Variants in ADGRB3 observed in about 807,000 individuals in gnomAD.
ADGRB3 encodes brain-specific angiogenesis inhibitor 3.
In ADGRB3, 37 loss-of-function variants were observed where a neutral mutation model predicts 193.4. The observed-to-expected ratio is 0.19, with a 90% CI of 0.15 to 0.25. The LOEUF is 0.25. ADGRB3 is among the 10% of genes least tolerant of loss of function. The pLI is 1.00. For missense variants in ADGRB3, 1,637 were observed against 1,852.9 expected, an observed-to-expected ratio of 0.88 and a Z score of 2.14; for synonymous variants, 690 against 644.2, an observed-to-expected ratio of 1.07 and a Z score of -1.08.
At chr6:68,890,736 T>A (rs1370103435) in intron 3 of ADGRB3, among the ~76,000 whole-genome samples, 3 of 152,114 alleles carry the variant, frequency 2.0e-5, no homozygotes, top group African/African-American at 7.2e-5. Flanking sequence ...TTTTTAAAAA[T>A]GCACTAAGAA....
chr6:69,119,152 T>C (rs1279135656), intron 17 of ADGRB3, among the ~76,000 whole-genome samples: 1 of 152,254 alleles, frequency 6.6e-6, no homozygotes, highest in East Asian at 1.9e-4. Flanking sequence ...CAGAAACTAT[T>C]GACAATTGTA....
chr6:68,703,759 A>G (rs1765280914), intron 3 of ADGRB3, among the ~76,000 whole-genome samples: 1 of 152,052 alleles, frequency 6.6e-6, no homozygotes, highest in African/African-American at 2.4e-5. Context: ...AGTAGCTGGG[A>G]TTACAGGCGC....
chr6:69,222,995 A>T (rs958114529), intron 17 of ADGRB3, among the ~76,000 whole-genome samples: 1 of 152,088 alleles, frequency 6.6e-6, no homozygotes, highest in Admixed American at 6.6e-5. Context: ...ATTTCATTTA[A>T]AAGTGCTTAC....
At chr6:68,856,226 C>G (rs192968442) in intron 3 of ADGRB3, among the ~76,000 whole-genome samples, 1 of 152,016 alleles carries the variant, frequency 6.6e-6, no homozygotes, top group Non-Finnish European at 1.5e-5. Flanking sequence ...AGTGTGAAAA[C>G]GGACTAATAC....
intron 3 of ADGRB3, among the ~76,000 whole-genome samples, chr6:68,693,028 C>G (rs981831179): frequency 6.6e-6 from 1 of 151,338 alleles, no homozygotes; most frequent in African/African-American, 2.4e-5. Flanking sequence ...CAATGAAATA[C>G]AAATTATATT....
chr6:68,692,237 A>G (rs902257998), intron 3 of ADGRB3, among the ~76,000 whole-genome samples: 1 of 151,952 alleles, frequency 6.6e-6, no homozygotes, highest in African/African-American at 2.4e-5. Flanking sequence ...ATCAGTTTTT[A>G]GAGCCCATTA....
At chr6:68,761,321 C>T (rs1298756251) in intron 3 of ADGRB3, among the ~76,000 whole-genome samples, 1 of 144,272 alleles carries the variant, frequency 6.9e-6, no homozygotes, top group Non-Finnish European at 1.5e-5. Context: ...TATAAATGAC[C>T]TAAACTTCTT....
chr6:68,945,634 T>G (rs1024958483), intron 6 of ADGRB3, among the ~76,000 whole-genome samples: 1 of 152,104 alleles, frequency 6.6e-6, no homozygotes, highest in African/African-American at 2.4e-5. Flanking sequence ...TATAGAAACT[T>G]TTTAAATACT....
chr6:69,033,384 A>T (rs1223825021), intron 13 of ADGRB3, among the ~76,000 whole-genome samples: 1 of 152,188 alleles, frequency 6.6e-6, no homozygotes, highest in African/African-American at 2.4e-5. Context: ...ATCAACTATC[A>T]TCTGCAAAAT....
chr6:68,725,992 T>C (rs1190257775), intron 3 of ADGRB3, among the ~76,000 whole-genome samples: 1 of 151,484 alleles, frequency 6.6e-6, no homozygotes, highest in African/African-American at 2.4e-5. Context: ...TAAAGGCTAT[T>C]AAAGAGGTCT....
intron 13 of ADGRB3, among the ~76,000 whole-genome samples, chr6:69,025,675 G>T (rs1770412595): frequency 6.6e-6 from 1 of 151,706 alleles, no homozygotes; most frequent in African/African-American, 2.4e-5. Flanking sequence ...TTTTCTGTAG[G>T]TCAGGAAAAA....
At chr6:69,068,157 A>T (rs1224275466) in intron 16 of ADGRB3, among the ~76,000 whole-genome samples, 3 of 152,184 alleles carry the variant, frequency 2.0e-5, no homozygotes, top group Admixed American at 2.0e-4. Flanking sequence ...TGATACGCAG[A>T]ATAGTGACTC....
At chr6:68,974,906 A>G (rs1262406711) in intron 9 of ADGRB3, 42 bp downstream of exon 9, 1 of 1,504,758 alleles carries the variant, frequency 6.6e-7, no homozygotes, top group Non-Finnish European at 9.2e-7. Context: ...GATAATCCCC[A>G]TCCAAGAACA....
At chr6:69,007,046 C>T (rs1769779645) in intron 11 of ADGRB3, among the ~76,000 whole-genome samples, 1 of 152,092 alleles carries the variant, frequency 6.6e-6, no homozygotes, top group East Asian at 1.9e-4. Context: ...GTTGTTGATC[C>T]CTCGTACTCA....
At chr6:68,922,293 T>C (rs1315817134) in intron 3 of ADGRB3, among the ~76,000 whole-genome samples, 1 of 152,110 alleles carries the variant, frequency 6.6e-6, no homozygotes, top group Non-Finnish European at 1.5e-5. Flanking sequence ...TTGATAAAAT[T>C]CCCCCTTATA....
chr6:69,106,164 TAAA>T (rs61114782), intron 17 of ADGRB3, among the ~76,000 whole-genome samples: 4 of 91,074 alleles, frequency 4.4e-5, no homozygotes, highest in Non-Finnish European at 8.2e-5. Context: ...GAGACTGCGT[TAAA>T]AAAAAAAAAA....
chr6:68,974,593 C>G (rs946989783), intron 8 of ADGRB3, among the ~76,000 whole-genome samples, 170 bp from the exon 9 acceptor site: 4 of 151,954 alleles, frequency 2.6e-5, no homozygotes, highest in Non-Finnish European at 5.9e-5. Context: ...TAGGATCATG[C>G]CAGTGCACTC....
At chr6:68,991,133 T>A (rs1171250537) in intron 10 of ADGRB3, among the ~76,000 whole-genome samples, 1 of 152,108 alleles carries the variant, frequency 6.6e-6, no homozygotes, top group Non-Finnish European at 1.5e-5. Context: ...TGTCTCATGC[T>A]ATTTGTTACC....
chr6:69,271,962 C>T (rs535699285), intron 20 of ADGRB3, among the ~76,000 whole-genome samples: 2 of 152,222 alleles, frequency 1.3e-5, no homozygotes, highest in South Asian at 2.1e-4. Flanking sequence ...TTGTTGTATA[C>T]ACCATCCATC....
Sources: allele counts gnomAD v4.1 joint callset (sites outside exome capture counted in the v4.1 genomes callset), GRCh38; gene constraint gnomAD v4.1.1; transcripts MANE v1.5; gene names NCBI Gene and HGNC (gene_info 2026-07-23, HGNC 2026-07-21).